LRRN2: variants seen among roughly 807,000 people sequenced by gnomAD.
The protein encoded by LRRN2 is leucine rich repeat neuronal 2, also known as leucine-rich repeat neuronal protein 2.
Under a neutral mutation model 35.7 loss-of-function variants are expected in LRRN2, and 10 were observed. The observed-to-expected ratio is 0.28, with a 90% CI of 0.17 to 0.47. The LOEUF (loss-of-function observed/expected upper bound fraction) is 0.47. Ranked by LOEUF, LRRN2 falls within the 20% of genes least tolerant of loss-of-function variation. The pLI is 0.99. For missense variants in LRRN2, 731 were observed against 940.3 expected, an observed-to-expected ratio of 0.78 and a Z score of 2.91; for synonymous variants, 391 against 409.6, an observed-to-expected ratio of 0.95 and a Z score of 0.55.
intron 1 of LRRN2, among the ~76,000 whole-genome samples, chr1:204,634,733 T>A (rs11811826): frequency 0.18 from 27,617 of 152,148 alleles, 2,950 homozygotes; most frequent in East Asian, 0.27. Context: ...GACACCTTGA[T>A]TTTGAACCTC....
At chr1:204,652,518 C>T (rs891554520) in intron 1 of LRRN2, among the ~76,000 whole-genome samples, 2 of 152,006 alleles carry the variant, frequency 1.3e-5, no homozygotes, top group Non-Finnish European at 2.9e-5. Context: ...GTTTTCTCTT[C>T]TGTACAATTA....
At chr1:204,624,189 C>T (rs1481745237) in intron 1 of LRRN2, among the ~76,000 whole-genome samples, 2 of 152,230 alleles carry the variant, frequency 1.3e-5, no homozygotes, top group Non-Finnish European at 2.9e-5. Context: ...CCCCTCAGCT[C>T]CTGTTCCTTG....
intron 1 of LRRN2, among the ~76,000 whole-genome samples, chr1:204,669,961 C>G (rs559988356): frequency 3.0e-4 from 45 of 152,164 alleles, no homozygotes; most frequent in African/African-American, 1.0e-3. Flanking sequence ...GACCCAGTTA[C>G]CAAAGCCAGG....
intron 1 of LRRN2, among the ~76,000 whole-genome samples, chr1:204,630,290 G>A (rs1278104542): frequency 1.4e-5 from 2 of 144,244 alleles, no homozygotes; most frequent in African/African-American, 5.0e-5. Context: ...CTGAGGAAAG[G>A]ACCCTCAGGG....
intron 1 of LRRN2, among the ~76,000 whole-genome samples, chr1:204,650,365 C>T (rs1165470162): frequency 3.3e-5 from 5 of 152,188 alleles, no homozygotes; most frequent in African/African-American, 1.2e-4. Context: ...TTGAACCCAG[C>T]GCAGGCCAGA....
At chr1:204,642,991 G>A (rs1265014943) in intron 1 of LRRN2, among the ~76,000 whole-genome samples, 3 of 152,068 alleles carry the variant, frequency 2.0e-5, no homozygotes, top group African/African-American at 7.3e-5. Context: ...CCTGATTGTC[G>A]GGCAGCCCAC....
intron 1 of LRRN2, among the ~76,000 whole-genome samples, chr1:204,637,730 C>T (rs1667869623): frequency 6.7e-6 from 1 of 148,530 alleles, no homozygotes; most frequent in South Asian, 2.1e-4. Flanking sequence ...AGAGAGGACT[C>T]CTCTGCGGGA....
intron 1 of LRRN2, among the ~76,000 whole-genome samples, chr1:204,680,408 G>A (rs1668921972): frequency 6.6e-6 from 1 of 152,190 alleles, no homozygotes; most frequent in South Asian, 2.1e-4. Flanking sequence ...CTGAGTAGCA[G>A]GGAAGGTGTG....
rs897847084 is a variant in LRRN2, at chr1:204,679,256, A to G, written c.-227+6064T>C. The stretch of plus-strand genomic sequence containing the variant: ...TGTCAAATTCTCTCTTTCCTCCTAC[A>G]CAGCTTTTAAATGTCTCACTTCCCA... On this transcript the variant is annotated intron_variant, in intron 1 of 1. Transcript: ENST00000367177. Among the ~76,000 whole-genome samples, 8 of 152,092 alleles carry G rather than the reference A, an allele frequency of 5.3e-5. No homozygotes were observed. The South Asian group carries it at 8.3e-4, about 16-fold the overall frequency.
At chr1:204,635,383 C>T (rs1034971864) in intron 1 of LRRN2, among the ~76,000 whole-genome samples, 3 of 152,046 alleles carry the variant, frequency 2.0e-5, no homozygotes, top group African/African-American at 7.3e-5. Flanking sequence ...ATCCTTAAAC[C>T]TCTCTCCGCA....
At chr1:204,635,332 T>C (rs1667807701) in intron 1 of LRRN2, among the ~76,000 whole-genome samples, 2 of 152,166 alleles carry the variant, frequency 1.3e-5, no homozygotes, top group South Asian at 4.2e-4. Context: ...TATATAAATA[T>C]TTTAAATGTA....
intron 1 of LRRN2, among the ~76,000 whole-genome samples, chr1:204,636,471 C>T (rs1319466476): frequency 6.6e-6 from 1 of 152,188 alleles, no homozygotes; most frequent in Non-Finnish European, 1.5e-5. Flanking sequence ...CACAGTGGCT[C>T]GTGCCCGTAA....
At chr1:204,662,713 G>C (rs961482077) in intron 1 of LRRN2, among the ~76,000 whole-genome samples, 13 of 152,216 alleles carry the variant, frequency 8.5e-5, no homozygotes, top group Non-Finnish European at 1.9e-4. Flanking sequence ...AGGTCAAATA[G>C]CTGATAAGTA....
chr1:204,666,618 T>G (rs1668578505), intron 1 of LRRN2, among the ~76,000 whole-genome samples: 1 of 152,128 alleles, frequency 6.6e-6, no homozygotes, highest in South Asian at 2.1e-4. Context: ...ACAAACTAAC[T>G]ACTGATATAG....
intron 1 of LRRN2, chr1:204,626,719 C>T (rs939438963): frequency 6.6e-6 from 1 of 152,212 alleles, no homozygotes; most frequent in Non-Finnish European, 1.5e-5. Flanking sequence ...TAGTACCGTG[C>T]ACTTTCCCTT....
chr1:204,666,959 C>G (rs1264956974), intron 1 of LRRN2, among the ~76,000 whole-genome samples: 3 of 77,756 alleles, frequency 3.9e-5, no homozygotes, highest in Non-Finnish European at 6.8e-5. Flanking sequence ...GAAACTCTGT[C>G]TCCAAAAAAA....
intron 1 of LRRN2, among the ~76,000 whole-genome samples, chr1:204,662,140 G>A (rs1668485366): frequency 1.3e-5 from 2 of 152,218 alleles, no homozygotes; most frequent in Admixed American, 6.5e-5. Flanking sequence ...ACCCAAGACT[G>A]AAGACCCACA....
intron 1 of LRRN2, among the ~76,000 whole-genome samples, chr1:204,674,139 C>G (rs1668771033): frequency 6.6e-6 from 1 of 152,122 alleles, no homozygotes; most frequent in Non-Finnish European, 1.5e-5. Flanking sequence ...CTGCAGAGAG[C>G]CAATACTCCT....
intron 1 of LRRN2, among the ~76,000 whole-genome samples, chr1:204,623,866 A>G (rs1032744275): frequency 2.0e-5 from 3 of 152,242 alleles, no homozygotes; most frequent in African/African-American, 7.2e-5. Context: ...TGAAATGTGT[A>G]GAGAACACGC....
Sources: allele counts gnomAD v4.1 joint callset (sites outside exome capture counted in the v4.1 genomes callset), GRCh38; gene constraint gnomAD v4.1.1; transcripts MANE v1.5; gene names NCBI Gene and HGNC (gene_info 2026-07-23, HGNC 2026-07-21).